Variants in NMNAT3 observed in about 807,000 individuals in gnomAD.
NMNAT3 encodes the protein nicotinamide/nicotinic acid mononucleotide adenylyltransferase 3.
NMNAT3 carries 21 observed loss-of-function variants against 24.8 expected under a neutral mutation model. The observed-to-expected ratio is 0.85, with a 90% confidence interval of 0.60 to 1.22. The LOEUF is 1.22. NMNAT3 is among the 50% of genes most tolerant of loss of function. The probability of loss-of-function intolerance (pLI) is 0.00; values close to 1 mark genes in which losing one functional copy is unlikely to be tolerated. For synonymous variants in NMNAT3, 136 were observed against 155.2 expected, an observed-to-expected ratio of 0.88 and a Z score of 0.92; for missense variants, 387 against 436.6, an observed-to-expected ratio of 0.89 and a Z score of 1.01.
In NMNAT3 at chr3:139,561,076, G is replaced by A. The variant is rs1936309703; in HGVS notation, c.975C>T (p.Gly325=). The change falls in exon 7 of 7, where the codon GGC becomes GGT. Residue 325 remains glycine (G), a synonymous_variant. Transcript: ENST00000643695. ...TCCAGGTACTGCCCTTGGTGTAGAG[G>A]CCATGGTCCTTGATGTACGTGATGA... The A allele has an allele frequency of 6.2e-7, 1 of 1,613,972 alleles. No individual in the cohort carries two copies.
intron 3 of NMNAT3, among the ~76,000 whole-genome samples, chr3:139,622,842 TA>T (rs1313339943): frequency 8.4e-5 from 10 of 119,234 alleles, no homozygotes; most frequent in Middle Eastern, 3.8e-3. Context: ...ATATATATTA[TA>T]TATATTATAT....
chr3:139,579,873 T>C (rs1239127878), intron 4 of NMNAT3, among the ~76,000 whole-genome samples: 3 of 152,220 alleles, frequency 2.0e-5, no homozygotes, highest in Admixed American at 6.5e-5. Flanking sequence ...CAACTCTTGA[T>C]TGTGTGATTT....
intron 1 of NMNAT3, among the ~76,000 whole-genome samples, chr3:139,649,637 G>T (rs1452127726): frequency 6.6e-6 from 1 of 152,228 alleles, no homozygotes; most frequent in African/African-American, 2.4e-5. Context: ...GTTCCTGCAC[G>T]GTTAGCTATT....
intron 3 of NMNAT3, among the ~76,000 whole-genome samples, chr3:139,597,440 C>T (rs1222183660): frequency 3.3e-5 from 5 of 152,056 alleles, no homozygotes; most frequent in Non-Finnish European, 7.4e-5. Context: ...GTATATTGTC[C>T]TTGAATACCT....
Position 139,670,881 on chromosome 3 carries a change from A to G in NMNAT3, c.-141+6824T>C, listed in dbSNP as rs536793486. Among the ~76,000 whole-genome samples the G allele has an allele frequency of 2.6e-4, 39 of 152,330 alleles. 1 individual carries two copies. Among genetic ancestry groups the G allele is most frequent in the African/African-American group, 9.4e-4 (39 of 41,572 alleles). On this transcript the variant is annotated intron_variant, in intron 1 of 6. Coordinates refer to ENST00000643695, the MANE Select transcript of NMNAT3 (RefSeq NM_001320510.2). ...GAGAGGCAATGGCCTTCTTTAACTT[A>G]AAAACCCTGAGAATTCAAGTCTACA...
intron 3 of NMNAT3, among the ~76,000 whole-genome samples, chr3:139,588,088 G>C (rs538420786): frequency 1.6e-3 from 241 of 152,172 alleles, no homozygotes; most frequent in African/African-American, 5.5e-3. Flanking sequence ...CCCTCCAAAT[G>C]GTCATAAGTC....
chr3:139,623,518 TA>T, intron 3 of NMNAT3, among the ~76,000 whole-genome samples: 1 of 152,302 alleles, frequency 6.6e-6, no homozygotes, highest in East Asian at 1.9e-4. Context: ...ATCAGTAACT[TA>T]GTCATTTATT....
intron 1 of NMNAT3, among the ~76,000 whole-genome samples, chr3:139,670,216 C>T (rs534105429): frequency 2.6e-4 from 40 of 152,328 alleles, no homozygotes; most frequent in African/African-American, 9.6e-4. Flanking sequence ...AACAGTACAG[C>T]AGACACTGTC....
At chr3:139,564,178 T>C (rs1034860972) in intron 6 of NMNAT3, among the ~76,000 whole-genome samples, 3 of 152,174 alleles carry the variant, frequency 2.0e-5, no homozygotes, top group African/African-American at 4.8e-5. Context: ...TTGGAAGTTA[T>C]GGGAATTGAG....
intron 5 of NMNAT3, chr3:139,576,026 T>G: frequency 7.8e-7 from 1 of 1,289,078 alleles, no homozygotes; most frequent in Non-Finnish European, 1.0e-6. Context: ...AGATCATGTC[T>G]GCAAAGAACA....
intron 6 of NMNAT3, chr3:139,566,094 G>A (rs1027101678): frequency 2.0e-5 from 3 of 151,922 alleles, no homozygotes; most frequent in African/African-American, 7.2e-5. Flanking sequence ...GTTTTGATTT[G>A]CATTTCTCTG....
At chr3:139,603,671 C>T (rs1391193214) in intron 3 of NMNAT3, among the ~76,000 whole-genome samples, 6 of 152,096 alleles carry the variant, frequency 3.9e-5, no homozygotes, top group African/African-American at 9.7e-5. Flanking sequence ...ATATTACCAC[C>T]GCTGCCACTA....
chr3:139,588,712 G>A (rs965413526), intron 3 of NMNAT3, among the ~76,000 whole-genome samples: 3 of 152,120 alleles, frequency 2.0e-5, no homozygotes, highest in Non-Finnish European at 2.9e-5. Flanking sequence ...GCCTCTAATC[G>A]CCTACGTTAT....
At chr3:139,659,662 C>T (rs2057353433) in intron 1 of NMNAT3, among the ~76,000 whole-genome samples, 1 of 152,142 alleles carries the variant, frequency 6.6e-6, no homozygotes, top group East Asian at 1.9e-4. Flanking sequence ...GTGTGGGAAA[C>T]ATTCTTGAGC....
intron 1 of NMNAT3, among the ~76,000 whole-genome samples, chr3:139,640,318 G>C (rs1400192515): frequency 6.6e-6 from 1 of 152,144 alleles, no homozygotes; most frequent in African/African-American, 2.4e-5. Context: ...CTGCTTTCTG[G>C]TTTTAAGAAA....
chr3:139,639,184 G>A (rs551423892), intron 1 of NMNAT3, among the ~76,000 whole-genome samples: 1 of 152,242 alleles, frequency 6.6e-6, no homozygotes, highest in East Asian at 1.9e-4. Flanking sequence ...CTTCTTGAGG[G>A]CAAAGAATGT....
At chr3:139,599,947 C>T (rs899554507) in intron 3 of NMNAT3, among the ~76,000 whole-genome samples, 2 of 152,170 alleles carry the variant, frequency 1.3e-5, no homozygotes, top group African/African-American at 4.8e-5. Flanking sequence ...GAGCCTAGCC[C>T]TCTGGCAGCA....
rs542300001 is a variant in NMNAT3 at position 139,673,774 on chromosome 3, A to C, written c.-141+3931T>G. The stretch of plus-strand genomic sequence containing the variant: ...CACTGCCTGAAGTATGTGTAGAAGA[A>C]AGAAAGGGAGGAAGGAATAGAGAGA... On this transcript the variant is annotated intron_variant, in intron 1 of 6. Coordinates refer to ENST00000643695, the MANE Select transcript of NMNAT3 (RefSeq NM_001320510.2). Among the ~76,000 whole-genome samples, 123 of 152,130 alleles carry C rather than the reference A, an allele frequency of 8.1e-4. 1 individual carries two copies. The highest frequency in any genetic ancestry group is 2.8e-3 in the African/African-American group (118 of 41,484).
intron 1 of NMNAT3, among the ~76,000 whole-genome samples, chr3:139,662,035 A>T (rs992903404): frequency 6.6e-6 from 1 of 152,168 alleles, no homozygotes; most frequent in Non-Finnish European, 1.5e-5. Flanking sequence ...ATCCTCAAGA[A>T]GCAAGTGTGT....
Sources: gnomAD v4.1 joint callset for allele counts (sites outside exome capture counted in the v4.1 genomes callset) on GRCh38, gnomAD v4.1.1 for gene constraint, MANE v1.5 for transcripts, NCBI Gene and HGNC (gene_info 2026-07-23, HGNC 2026-07-21) for gene names.